Variants in CDH18 observed in about 807,000 individuals in gnomAD.
CDH18 encodes the protein cadherin 18, also known as cadherin-18.
A neutral mutation model predicts 67.9 loss-of-function variants in CDH18; 31 were observed. The observed-to-expected ratio is 0.46, with a 90% CI of 0.34 to 0.62. The LOEUF (loss-of-function observed/expected upper bound fraction) is 0.62. Among genes scored for constraint, CDH18 ranks in the 20% least tolerant of loss-of-function variants. CDH18 has a pLI of 0.01. For missense variants in CDH18, 890 were observed against 975.5 expected, an observed-to-expected ratio of 0.91 and a Z score of 1.17; for synonymous variants, 362 against 347.2, an observed-to-expected ratio of 1.04 and a Z score of -0.48.
At chr5:19,522,289 T>C (rs1204132455) in intron 9 of CDH18, among the ~76,000 whole-genome samples, 1 of 152,138 alleles carries the variant, frequency 6.6e-6, no homozygotes, top group African/African-American at 2.4e-5. Flanking sequence ...AATTGCATCA[T>C]ACATCATTCT....
Position 20,142,581 on chromosome 5 carries a change from G to GA in CDH18, c.-518+112862dup, listed in dbSNP as rs1441172760. 4.9e-3 allele frequency among the ~76,000 whole-genome samples: 632 copies of GA among 128,516 alleles called. 1 individual carries two copies. The highest frequency in any genetic ancestry group is 9.8e-3 in the African/African-American group (340 of 34,572). The allele number at this position is 128,516 out of a possible 152,430, so 84.3% of individuals were successfully genotyped here. A position where few individuals can be genotyped will look rare whatever the true frequency, so the allele number is the denominator to read the frequency against. On this transcript the variant is annotated intron_variant, in intron 2 of 14. Coordinates refer to the CDH18 transcript ENST00000507958. ...GACAACAGAGAGAGACTCTGCCTCA[G>GA]AAAAAAAAAAAAAGAAAGAAAGAAA... is the stretch of plus-strand genomic sequence containing the variant.
intron 2 of CDH18, among the ~76,000 whole-genome samples, chr5:20,007,440 T>C (rs1365229110): frequency 6.6e-6 from 1 of 152,066 alleles, no homozygotes; most frequent in Non-Finnish European, 1.5e-5. Flanking sequence ...GTTGAATAAA[T>C]ATATAATTTT....
At chr5:20,044,966 T>C (rs1273246723) in intron 2 of CDH18, among the ~76,000 whole-genome samples, 3 of 152,288 alleles carry the variant, frequency 2.0e-5, no homozygotes, top group South Asian at 2.1e-4. Context: ...CTCTCTCTCA[T>C]TGAAAATTGT....
intron 2 of CDH18, among the ~76,000 whole-genome samples, chr5:20,112,423 G>A (rs1747556424): frequency 6.6e-6 from 1 of 152,146 alleles, no homozygotes; most frequent in Admixed American, 6.5e-5. Context: ...CTTTCTATAT[G>A]CCTGGCTGTT....
intron 5 of CDH18, among the ~76,000 whole-genome samples, chr5:19,653,849 T>C (rs1402813271): frequency 6.6e-6 from 1 of 152,148 alleles, no homozygotes; most frequent in Non-Finnish European, 1.5e-5. Flanking sequence ...ACGGGAGAAT[T>C]CCATGCCTTT....
chr5:19,979,088 CT>C (rs1311115638), intron 2 of CDH18, among the ~76,000 whole-genome samples: 1 of 152,016 alleles, frequency 6.6e-6, no homozygotes, highest in Non-Finnish European at 1.5e-5. Context: ...CTTAGTTTAT[CT>C]TAGAATATAA....
At chr5:19,555,938 A>G (rs1481466197) in intron 8 of CDH18, among the ~76,000 whole-genome samples, 2 of 152,212 alleles carry the variant, frequency 1.3e-5, no homozygotes, top group Non-Finnish European at 2.9e-5. Context: ...AAGATGGGTT[A>G]CATGACAGGA....
intron 3 of CDH18, among the ~76,000 whole-genome samples, chr5:19,810,275 G>C (rs894133821): frequency 6.6e-6 from 1 of 151,966 alleles, no homozygotes; most frequent in African/African-American, 2.4e-5. Flanking sequence ...AGGTTTCAGT[G>C]ACCCAAGATC....
At chr5:20,145,989 C>T (rs1463179280) in intron 2 of CDH18, among the ~76,000 whole-genome samples, 1 of 152,156 alleles carries the variant, frequency 6.6e-6, no homozygotes, top group African/African-American at 2.4e-5. Flanking sequence ...GCTACTTGAA[C>T]ACTGTCCCTC....
At position 20,453,578 on chromosome 5, in the gene CDH18, T is replaced by C. The variant is rs575298670; in HGVS notation, c.-580+121884A>G. Among the ~76,000 whole-genome samples, 16 of 15,550 alleles carry C rather than the reference T, an allele frequency of 1.0e-3. No homozygotes were observed. The Admixed American group carries it at 0.028, about 28-fold the overall frequency. The allele number at this position is 15,550 out of a possible 152,430, so 10.2% of individuals were successfully genotyped here. A position where few individuals can be genotyped will look rare whatever the true frequency, so the allele number is the denominator to read the frequency against. On this transcript the variant is annotated intron_variant, in intron 1 of 14. Coordinates refer to the CDH18 transcript ENST00000507958. ...ATGTGTGTGTGTATATATATATGTGTGTGTGTGTGTGTGTATATGTATATA... is the reference window on the plus strand; with the variant it reads ...ATGTGTGTGTGTATATATATATGTGCGTGTGTGTGTGTGTATATGTATATA...
At position 19,558,610 on chromosome 5, in the gene CDH18, C is replaced by T. The variant is rs553083580; in HGVS notation, c.1253+12969G>A. ...TTAAACAAGGAAAAAAATATAAACT[C>T]TGAACAGACAAATAACAAGCAGTGA... is the stretch of plus-strand genomic sequence containing the variant. On this transcript the variant is annotated intron_variant, in intron 8 of 12. Transcript: ENST00000382275. 1.3e-4 allele frequency among the ~76,000 whole-genome samples: 20 copies of T among 151,562 alleles called. No individual in the cohort carries two copies. The South Asian group carries it at 4.0e-3, about 30-fold the overall frequency.
At chr5:19,831,054 A>C (rs1201766040) in intron 3 of CDH18, among the ~76,000 whole-genome samples, 2 of 152,126 alleles carry the variant, frequency 1.3e-5, no homozygotes, top group African/African-American at 4.8e-5. Flanking sequence ...GGGTGAAAGG[A>C]GGATGAGGAT....
intron 2 of CDH18, among the ~76,000 whole-genome samples, chr5:19,958,566 C>G (rs560798635): frequency 1.3e-5 from 2 of 151,774 alleles, no homozygotes; most frequent in South Asian, 4.1e-4. Flanking sequence ...TTGATAGGCA[C>G]TAAGCAGTAT....
At chr5:19,752,560 G>T (rs1403252710) in intron 3 of CDH18, among the ~76,000 whole-genome samples, 2 of 152,142 alleles carry the variant, frequency 1.3e-5, no homozygotes, top group East Asian at 3.9e-4. Context: ...GACACGCCTG[G>T]CCCTGCCCCC....
intron 6 of CDH18, among the ~76,000 whole-genome samples, chr5:19,591,481 A>G (rs1745125585): frequency 6.6e-6 from 1 of 152,130 alleles, no homozygotes; most frequent in South Asian, 2.1e-4. Context: ...TGAATATGAA[A>G]TATTTTATTA....
chr5:19,579,924 T>TA (rs889063298), intron 7 of CDH18, among the ~76,000 whole-genome samples: 1 of 151,818 alleles, frequency 6.6e-6, no homozygotes, highest in African/African-American at 2.4e-5. Context: ...TATAATTATT[T>TA]ATTGTTTCTA....
At chr5:20,035,485 G>A (rs982074421) in intron 2 of CDH18, among the ~76,000 whole-genome samples, 1 of 151,976 alleles carries the variant, frequency 6.6e-6, no homozygotes, top group Non-Finnish European at 1.5e-5. Context: ...GGCCTCAAGA[G>A]GCTTACAATC....
At chr5:20,173,450 A>C (rs1281123085) in intron 2 of CDH18, among the ~76,000 whole-genome samples, 6 of 152,180 alleles carry the variant, frequency 3.9e-5, no homozygotes, top group Admixed American at 2.6e-4. Context: ...GAGGAAAAGC[A>C]ATCTAGATGG....
intron 2 of CDH18, among the ~76,000 whole-genome samples, chr5:20,057,890 C>G (rs894227103): frequency 2.0e-5 from 3 of 152,052 alleles, no homozygotes; most frequent in Admixed American, 2.0e-4. Context: ...TGTGCAATAA[C>G]TTTTAAGATT....
Sources: gnomAD v4.1 joint callset for allele counts (sites outside exome capture counted in the v4.1 genomes callset) on GRCh38, gnomAD v4.1.1 for gene constraint, MANE v1.5 for transcripts, NCBI Gene and HGNC (gene_info 2026-07-23, HGNC 2026-07-21) for gene names.